Variants in MATN2 observed in about 807,000 individuals in gnomAD.
The protein encoded by MATN2 is matrilin 2, also known as matrilin-2.
Under a neutral mutation model 103.2 loss-of-function variants are expected in MATN2, and 69 were observed. The observed-to-expected ratio is 0.67, with a 90% CI of 0.55 to 0.82. MATN2 has a LOEUF of 0.82. MATN2 is among the 40% of genes least tolerant of loss of function. The pLI, the probability that MATN2 is intolerant of heterozygous loss-of-function variation, is 0.00. For missense variants in MATN2, 1,023 were observed against 1,211.5 expected, an observed-to-expected ratio of 0.84 and a Z score of 2.31; for synonymous variants, 429 against 450.2, an observed-to-expected ratio of 0.95 and a Z score of 0.60.
chr8:97,997,439 A>G (rs1410788231), intron 7 of MATN2, among the ~76,000 whole-genome samples: 1 of 152,202 alleles, frequency 6.6e-6, no homozygotes, highest in Non-Finnish European at 1.5e-5. Flanking sequence ...GCTGGTATCA[A>G]AATGTACTAC....
intron 2 of MATN2, among the ~76,000 whole-genome samples, chr8:97,906,224 A>G (rs985863168): frequency 1.5e-4 from 23 of 152,142 alleles, no homozygotes; most frequent in Non-Finnish European, 8.8e-5. Context: ...AATATTAATT[A>G]CCATCCTAGT....
chr8:97,943,736 T>G (rs1393309042), intron 4 of MATN2, among the ~76,000 whole-genome samples: 1 of 152,118 alleles, frequency 6.6e-6, no homozygotes, highest in Non-Finnish European at 1.5e-5. Flanking sequence ...TTTACAGGAT[T>G]GAGCCGCTGT....
chr8:97,961,105 G>A (rs1268278822), intron 4 of MATN2, among the ~76,000 whole-genome samples: 1 of 152,128 alleles, frequency 6.6e-6, no homozygotes, highest in African/African-American at 2.4e-5. Flanking sequence ...GTGAGCCACC[G>A]CATGGCTGAA....
intron 3 of MATN2, among the ~76,000 whole-genome samples, chr8:97,932,579 C>A (rs928210201): frequency 2.0e-5 from 3 of 152,236 alleles, no homozygotes; most frequent in African/African-American, 7.2e-5. Context: ...TTCCCACGCA[C>A]TTTCCAGTTA....
chr8:97,911,092 G>A (rs1050774270), intron 2 of MATN2, among the ~76,000 whole-genome samples: 6 of 152,094 alleles, frequency 3.9e-5, no homozygotes, highest in Admixed American at 2.6e-4. Context: ...GCCTTCAAGC[G>A]TTTCTCCTGC....
At chr8:97,887,458 T>C (rs961455509) in intron 1 of MATN2, among the ~76,000 whole-genome samples, 8 of 152,124 alleles carry the variant, frequency 5.3e-5, no homozygotes, top group African/African-American at 1.9e-4. Context: ...TATTAGGTAA[T>C]GGAGCAAGTT....
At chr8:97,976,323 G>A (rs1015261721) in intron 5 of MATN2, among the ~76,000 whole-genome samples, 1 of 152,098 alleles carries the variant, frequency 6.6e-6, no homozygotes, top group Non-Finnish European at 1.5e-5. Context: ...TGGCAAGGCT[G>A]GTCTCAAACT....
intron 13 of MATN2, 60 bp from the exon 14 acceptor site, chr8:98,027,356 T>C: frequency 2.8e-6 from 4 of 1,422,856 alleles, no homozygotes; most frequent in Non-Finnish European, 3.8e-6. Context: ...CATTTTATTC[T>C]ACTCTTGTGC....
At chr8:98,029,056 A>C (rs1337038162) in intron 14 of MATN2, among the ~76,000 whole-genome samples, 1 of 152,234 alleles carries the variant, frequency 6.6e-6, no homozygotes, top group African/African-American at 2.4e-5. Flanking sequence ...GAGTGAATGA[A>C]GAAAGAAGTG....
intron 4 of MATN2, among the ~76,000 whole-genome samples, chr8:97,943,174 G>A (rs921490427): frequency 2.0e-5 from 3 of 152,068 alleles, no homozygotes; most frequent in Non-Finnish European, 4.4e-5. Flanking sequence ...GGGAGCCTGG[G>A]AAAGGTCATC....
chr8:97,932,492 G>A (rs781668508), intron 3 of MATN2, among the ~76,000 whole-genome samples: 16 of 152,162 alleles, frequency 1.1e-4, no homozygotes, highest in Non-Finnish European at 2.1e-4. Flanking sequence ...CCCCTGAGCT[G>A]CATTCTTCTA....
intron 2 of MATN2, among the ~76,000 whole-genome samples, chr8:97,922,834 T>C (rs1809857608): frequency 6.6e-6 from 1 of 152,222 alleles, no homozygotes; most frequent in Admixed American, 6.5e-5. Flanking sequence ...TCTGTTTATA[T>C]TTATCAACAA....
At chr8:97,980,364 G>A (rs1811976028) in intron 6 of MATN2, among the ~76,000 whole-genome samples, 1 of 152,176 alleles carries the variant, frequency 6.6e-6, no homozygotes, top group Non-Finnish European at 1.5e-5. Context: ...TGGTTGGGGA[G>A]TTGTGGTTGT....
At chr8:97,944,866 C>T (rs1041107275) in intron 4 of MATN2, among the ~76,000 whole-genome samples, 4 of 152,124 alleles carry the variant, frequency 2.6e-5, no homozygotes, top group East Asian at 1.9e-4. Context: ...ATGTCCTGGG[C>T]GTAGCTGGAT....
intron 4 of MATN2, 96 bp from the exon 5 acceptor site, chr8:97,961,303 AGTTACTTTG>A (rs1326531310): frequency 6.7e-6 from 8 of 1,186,018 alleles, no homozygotes; most frequent in Admixed American, 5.5e-5. Flanking sequence ...TGTTTTTAAA[AGTTACTTTG>A]GTGAGGGCTC....
At position 97,883,199 on chromosome 8, in the gene MATN2, C is replaced by T. The variant is rs145224291; in HGVS notation, c.-26-4876C>T. On this transcript the variant is annotated intron_variant, in intron 1 of 18. Coordinates refer to ENST00000254898, the MANE Select transcript of MATN2 (RefSeq NM_002380.5). ...ACTCAGGAGGCTGAGACAGGAGAATCGCTTGAACCCAGGAGGCGGAGGTTG... is the reference window on the plus strand; with the variant it reads ...ACTCAGGAGGCTGAGACAGGAGAATTGCTTGAACCCAGGAGGCGGAGGTTG... 4.6e-3 allele frequency among the ~76,000 whole-genome samples: 695 copies of T among 150,068 alleles called. 8 individuals are homozygous for T. The highest frequency in any genetic ancestry group is 0.016 in the African/African-American group (661 of 40,876).
At chr8:97,893,829 C>T (rs1282213833) in intron 2 of MATN2, among the ~76,000 whole-genome samples, 4 of 152,156 alleles carry the variant, frequency 2.6e-5, no homozygotes, top group Admixed American at 6.5e-5. Flanking sequence ...TGGCGTGAGC[C>T]GCCGCACCCG....
intron 1 of MATN2, among the ~76,000 whole-genome samples, chr8:97,883,472 C>G (rs554807483): frequency 6.6e-6 from 1 of 151,744 alleles, no homozygotes; most frequent in Non-Finnish European, 1.5e-5. Context: ...ACTGCCACCT[C>G]GACCTCTCGG....
intron 6 of MATN2, among the ~76,000 whole-genome samples, chr8:97,987,688 T>G (rs983144518): frequency 6.6e-6 from 1 of 152,182 alleles, no homozygotes; most frequent in African/African-American, 2.4e-5. Flanking sequence ...AGCAAGGGAC[T>G]GTGCCTCTTT....
Sources: gnomAD v4.1 joint callset for allele counts (sites outside exome capture counted in the v4.1 genomes callset) on GRCh38, gnomAD v4.1.1 for gene constraint, MANE v1.5 for transcripts, NCBI Gene and HGNC (gene_info 2026-07-23, HGNC 2026-07-21) for gene names.